STPG2: variants seen among roughly 807,000 people sequenced by gnomAD.
STPG2 encodes sperm-tail PG-rich repeat-containing protein 2.
Under a neutral mutation model 54.2 loss-of-function variants are expected in STPG2, and 56 were observed. That is an observed-to-expected ratio of 1.03 (90% CI 0.83 to 1.29). The LOEUF (loss-of-function observed/expected upper bound fraction) is 1.29. Ranked by LOEUF, STPG2 falls within the 50% of genes most tolerant of loss-of-function variation. STPG2 has a pLI of 0.00. For synonymous variants in STPG2, 200 were observed against 181.8 expected, an observed-to-expected ratio of 1.10 and a Z score of -0.81; for missense variants, 596 against 544.9, an observed-to-expected ratio of 1.09 and a Z score of -0.93.
chr4:97,589,493 C>A (rs896168630), intron 10 of STPG2, among the ~76,000 whole-genome samples: 2 of 152,042 alleles, frequency 1.3e-5, no homozygotes, highest in Admixed American at 6.6e-5. Flanking sequence ...TTTAATAATT[C>A]ATTCCCTTAA....
chr4:97,784,684 T>C (rs979657232), intron 9 of STPG2, among the ~76,000 whole-genome samples: 1 of 146,894 alleles, frequency 6.8e-6, no homozygotes, highest in Non-Finnish European at 1.5e-5. Context: ...ATGATACATG[T>C]TGCTTAATAT....
chr4:97,629,994 T>C (rs982723356), intron 10 of STPG2, among the ~76,000 whole-genome samples: 2 of 151,946 alleles, frequency 1.3e-5, no homozygotes, highest in East Asian at 1.9e-4. Context: ...TGACATTGAG[T>C]TGTTATTAAA....
chr4:97,893,440 C>T (rs1014295779), intron 8 of STPG2, among the ~76,000 whole-genome samples: 3 of 151,982 alleles, frequency 2.0e-5, no homozygotes, highest in Non-Finnish European at 4.4e-5. Flanking sequence ...ATTTCTCTTT[C>T]GTTTAAAATA....
Position 97,584,625 on chromosome 4 carries a change from C to A in STPG2, c.1321-25508G>T, listed in dbSNP as rs1261436861. On this transcript the variant is annotated intron_variant, in intron 10 of 10. Coordinates refer to ENST00000295268, the MANE Select transcript of STPG2 (RefSeq NM_174952.3). ...TGAAAAGATAAACAAAAATGATAGA[C>A]CATTAGCAGGATTACTCAAGAAAAC... is the stretch of plus-strand genomic sequence containing the variant. Among the ~76,000 whole-genome samples, 6 of 151,874 alleles carry A rather than the reference C, an allele frequency of 4.0e-5. No individual in the cohort carries two copies. In the South Asian group the frequency reaches 1.0e-3, roughly 26 times the overall value.
intron 10 of STPG2, among the ~76,000 whole-genome samples, chr4:97,637,686 C>G (rs145244448): frequency 1.6e-4 from 24 of 152,184 alleles, no homozygotes; most frequent in Non-Finnish European, 1.0e-4. Context: ...ACAAGCATTC[C>G]TATACACCAA....
intron 7 of STPG2, among the ~76,000 whole-genome samples, chr4:97,968,706 T>C (rs928493828): frequency 1.3e-5 from 2 of 152,152 alleles, no homozygotes; most frequent in African/African-American, 4.8e-5. Flanking sequence ...TCTCATCAGA[T>C]GAAGAAAAGG....
At chr4:98,032,449 A>C (rs1011578517) in intron 5 of STPG2, among the ~76,000 whole-genome samples, 1 of 151,996 alleles carries the variant, frequency 6.6e-6, no homozygotes, top group Non-Finnish European at 1.5e-5. Context: ...ACCATCTAAC[A>C]CAAGTCATAA....
chr4:97,658,107 C>T (rs1242632003), intron 10 of STPG2, among the ~76,000 whole-genome samples: 1 of 152,124 alleles, frequency 6.6e-6, no homozygotes, highest in Non-Finnish European at 1.5e-5. Flanking sequence ...CAGTTCCTTC[C>T]TCCCATTTCA....
intron 4 of STPG2, among the ~76,000 whole-genome samples, chr4:97,525,698 A>C (rs1375715446): frequency 6.6e-6 from 1 of 152,058 alleles, no homozygotes; most frequent in Non-Finnish European, 1.5e-5. Flanking sequence ...CATAGAAATG[A>C]AACCAGAATG....
At chr4:97,869,267 A>G (rs776050952) in intron 8 of STPG2, among the ~76,000 whole-genome samples, 13 of 151,758 alleles carry the variant, frequency 8.6e-5, no homozygotes, top group Non-Finnish European at 1.5e-4. Flanking sequence ...TAAAACTAAA[A>G]TTAGCTCTAA....
intron 4 of STPG2, among the ~76,000 whole-genome samples, chr4:97,539,809 C>G (rs1308498203): frequency 6.6e-6 from 1 of 152,164 alleles, no homozygotes; most frequent in Admixed American, 6.5e-5. Context: ...AACTAGAACT[C>G]AGGATTAAGA....
chr4:97,521,456 G>A (rs112093072), intron 4 of STPG2, among the ~76,000 whole-genome samples: 2,203 of 152,040 alleles, frequency 0.014, 55 homozygotes, highest in African/African-American at 0.05. Context: ...CCAGAGCAGC[G>A]CACCACTGTA....
chr4:97,724,741 C>G (rs2149019511), intron 9 of STPG2, among the ~76,000 whole-genome samples: 1 of 152,230 alleles, frequency 6.6e-6, no homozygotes, highest in South Asian at 2.1e-4. Flanking sequence ...GAACCACCTA[C>G]TTTGTTAAGA....
intron 4 of STPG2, among the ~76,000 whole-genome samples, chr4:97,470,175 G>C (rs1403213551): frequency 6.6e-6 from 1 of 152,032 alleles, no homozygotes; most frequent in Non-Finnish European, 1.5e-5. Context: ...TCCCTCAGGA[G>C]AGAGAGAATT....
chr4:97,628,348 C>T (rs1490672401), intron 10 of STPG2, among the ~76,000 whole-genome samples: 3 of 152,026 alleles, frequency 2.0e-5, no homozygotes, highest in Non-Finnish European at 4.4e-5. Context: ...TGTTACCTTG[C>T]TCAAAAAATA....
At chr4:97,819,582 C>T (rs112867684) in intron 9 of STPG2, among the ~76,000 whole-genome samples, 2,763 of 152,120 alleles carry the variant, frequency 0.018, 76 homozygotes, top group African/African-American at 0.063. Context: ...GTCTTATATG[C>T]TATGCATTGC....
At chr4:98,137,268 G>C (rs564702484) in intron 1 of STPG2, among the ~76,000 whole-genome samples, 11 of 151,338 alleles carry the variant, frequency 7.3e-5, no homozygotes, top group African/African-American at 2.7e-4. Flanking sequence ...TAATGATAAA[G>C]GGGTCATTTC....
chr4:97,791,384 A>G (rs1399754489), intron 9 of STPG2, among the ~76,000 whole-genome samples: 2 of 152,192 alleles, frequency 1.3e-5, no homozygotes, highest in Non-Finnish European at 2.9e-5. Context: ...TAAAATTGCT[A>G]CGAGTATGAC....
At chr4:97,868,273 G>A (rs1729863300) in intron 8 of STPG2, among the ~76,000 whole-genome samples, 1 of 151,774 alleles carries the variant, frequency 6.6e-6, no homozygotes, top group African/African-American at 2.4e-5. Flanking sequence ...TCAAATTCAT[G>A]GTGGATTATT....
Sources: allele counts gnomAD v4.1 joint callset (sites outside exome capture counted in the v4.1 genomes callset), GRCh38; gene constraint gnomAD v4.1.1; transcripts MANE v1.5; gene names NCBI Gene and HGNC (gene_info 2026-07-23, HGNC 2026-07-21).